The following ATRN variants were observed in gnomAD, a reference collection of about 807,000 sequenced individuals.
ATRN encodes attractin-2.
ATRN carries 54 observed loss-of-function variants against 178.7 expected under a neutral mutation model. The observed-to-expected ratio is 0.30, with a 90% confidence interval of 0.24 to 0.38. The LOEUF is 0.38. ATRN is among the 10% of genes least tolerant of loss of function. The probability of loss-of-function intolerance (pLI) is 1.00; values close to 1 mark genes in which losing one functional copy is unlikely to be tolerated. For synonymous variants in ATRN, 636 were observed against 663.0 expected (o/e 0.96, Z 0.63); for missense variants, 1,443 against 1,815.1 (o/e 0.79, Z 3.73).
At chr20:3,583,534 C>G (rs1023177543) in intron 16 of ATRN, among the ~76,000 whole-genome samples, 1 of 152,172 alleles carries the variant, frequency 6.6e-6, no homozygotes, top group Non-Finnish European at 1.5e-5. Context: ...CTTGGCTGGG[C>G]ACAGTGGCTC....
chr20:3,556,167 G>A (rs1381850246), intron 6 of ATRN, among the ~76,000 whole-genome samples: 6 of 152,150 alleles, frequency 3.9e-5, no homozygotes, highest in Non-Finnish European at 8.8e-5. Context: ...ACACACAAAG[G>A]ACAGAAGGTG....
Position 3,624,233 on chromosome 20 carries a change from T to A in ATRN, c.3802-278T>A, listed in dbSNP as rs544790314. ...GGGAGCGCCAGGCTTCATGGAGGCA[T>A]GCGAGGGTCTCCAGGGTCAAACAGA... On this transcript the variant is annotated intron_variant, in intron 24 of 28. Coordinates refer to ENST00000262919, the MANE Select transcript of ATRN (RefSeq NM_139321.3). 7.9e-5 allele frequency among the ~76,000 whole-genome samples: 12 copies of A among 152,266 alleles called. No homozygotes were observed. In the South Asian group the frequency reaches 2.5e-3, roughly 32 times the overall value.
intron 14 of ATRN, 62 bp from the exon 15 acceptor site, chr20:3,578,520 T>C: frequency 2.1e-6 from 3 of 1,432,712 alleles, no homozygotes; most frequent in Non-Finnish European, 2.8e-6. Flanking sequence ...TTTGAACTCA[T>C]AATACAGTAG....
intron 1 of ATRN, among the ~76,000 whole-genome samples, chr20:3,513,030 T>G (rs946676224): frequency 1.3e-5 from 2 of 152,234 alleles, no homozygotes; most frequent in Admixed American, 1.3e-4. Flanking sequence ...ATGAGTAGGT[T>G]GCAAAAATTT....
chr20:3,644,518 G>GTGCTC (rs2087093086), intron 28 of ATRN, among the ~76,000 whole-genome samples: 1 of 152,214 alleles, frequency 6.6e-6, no homozygotes, highest in South Asian at 2.1e-4. Context: ...CAGCCTCTCA[G>GTGCTC]TGCTCGTGGA....
At chr20:3,489,345 A>G (rs2084747170) in intron 1 of ATRN, among the ~76,000 whole-genome samples, 1 of 152,216 alleles carries the variant, frequency 6.6e-6, no homozygotes, top group African/African-American at 2.4e-5. Context: ...CTTTTAAAAT[A>G]TAAAACAGAT....
At chr20:3,591,691 C>G (rs2086445101) in intron 19 of ATRN, among the ~76,000 whole-genome samples, 1 of 152,106 alleles carries the variant, frequency 6.6e-6, no homozygotes, top group African/African-American at 2.4e-5. Context: ...ACAAAAGGTT[C>G]CAGCAGTATA....
chr20:3,512,107 A>ATATATATTTTTTT, intron 1 of ATRN, among the ~76,000 whole-genome samples: 3 of 106,388 alleles, frequency 2.8e-5, no homozygotes, highest in African/African-American at 1.3e-4. Flanking sequence ...ATATATATAT[A>ATATATATTTTTTT]TTTTTTTTTT....
intron 19 of ATRN, among the ~76,000 whole-genome samples, chr20:3,592,067 A>G (rs1374540420): frequency 6.6e-6 from 1 of 152,234 alleles, no homozygotes; most frequent in African/African-American, 2.4e-5. Flanking sequence ...ACCAGGAGCC[A>G]GACTCCTCAA....
chr20:3,519,221 T>A (rs2085253265), intron 1 of ATRN, among the ~76,000 whole-genome samples: 1 of 151,850 alleles, frequency 6.6e-6, no homozygotes, highest in South Asian at 2.1e-4. Context: ...TTGGGCAGAG[T>A]CTTAACCTGT....
At chr20:3,544,371 C>T (rs1195885555) in intron 3 of ATRN, among the ~76,000 whole-genome samples, 2 of 152,214 alleles carry the variant, frequency 1.3e-5, no homozygotes, top group Non-Finnish European at 2.9e-5. Context: ...TATTGGTCAT[C>T]GTGTACATGA....
At chr20:3,523,065 T>G (rs776321660) in intron 1 of ATRN, among the ~76,000 whole-genome samples, 2 of 151,820 alleles carry the variant, frequency 1.3e-5, no homozygotes, top group Admixed American at 6.6e-5. Flanking sequence ...GAGAATGAGT[T>G]TGATGAATTA....
chr20:3,585,731 T>A (rs1019380401), intron 18 of ATRN, among the ~76,000 whole-genome samples: 1 of 152,062 alleles, frequency 6.6e-6, no homozygotes, highest in East Asian at 1.9e-4. Context: ...AACACGTAAC[T>A]CTTAAAACTC....
intron 24 of ATRN, among the ~76,000 whole-genome samples, chr20:3,608,515 C>T (rs1210941857): frequency 3.3e-5 from 5 of 152,086 alleles, no homozygotes; most frequent in Admixed American, 1.3e-4. Context: ...ACCAGTTGGC[C>T]GTGAATATGT....
At chr20:3,536,177 T>C (rs2085529769) in intron 2 of ATRN, among the ~76,000 whole-genome samples, 1 of 152,090 alleles carries the variant, frequency 6.6e-6, no homozygotes, top group Non-Finnish European at 1.5e-5. Context: ...ACTTTTAAAC[T>C]TTGAGGATTC....
At chr20:3,523,373 A>G (rs1259348233) in intron 1 of ATRN, among the ~76,000 whole-genome samples, 1 of 152,080 alleles carries the variant, frequency 6.6e-6, no homozygotes. Flanking sequence ...AGAAAAAAGA[A>G]TGAAAAAGGA....
At chr20:3,556,037 G>T (rs551386818) in intron 6 of ATRN, among the ~76,000 whole-genome samples, 1 of 152,126 alleles carries the variant, frequency 6.6e-6, no homozygotes, top group Non-Finnish European at 1.5e-5. Flanking sequence ...GAATTGGGAG[G>T]TTGTAGGCCT....
intron 3 of ATRN, among the ~76,000 whole-genome samples, chr20:3,541,180 C>G (rs2085615341): frequency 6.6e-6 from 1 of 151,446 alleles, no homozygotes; most frequent in Non-Finnish European, 1.5e-5. Flanking sequence ...CGGGTTCACG[C>G]CATTCTCCTG....
chr20:3,535,171 T>C, intron 1 of ATRN, 82 bp from the exon 2 acceptor site: 5 of 494,006 alleles, frequency 1.0e-5, no homozygotes, highest in Non-Finnish European at 1.5e-5. Context: ...GAAATATTAA[T>C]ATATGAAAAT....
Sources: gnomAD v4.1 joint callset for allele counts (sites outside exome capture counted in the v4.1 genomes callset) on GRCh38, gnomAD v4.1.1 for gene constraint, MANE v1.5 for transcripts, NCBI Gene and HGNC (gene_info 2026-07-23, HGNC 2026-07-21) for gene names.